B3GALNT2: variants seen among roughly 807,000 people sequenced by gnomAD.
The protein encoded by B3GALNT2 is beta-1,3-N-acetylgalactosaminyltransferase 2, also known as UDP-GalNAc:beta-1,3-N-acetylgalactosaminyltransferase 2.
B3GALNT2 carries 53 observed loss-of-function variants against 61.1 expected under a neutral mutation model. That is an observed-to-expected ratio of 0.87 (90% confidence interval 0.70 to 1.09). The LOEUF (loss-of-function observed/expected upper bound fraction) is 1.09. Ranked by LOEUF, B3GALNT2 falls within the 50% of genes least tolerant of loss-of-function variation. The pLI, the probability that B3GALNT2 is intolerant of heterozygous loss-of-function variation, is 0.00. For missense variants in B3GALNT2, 544 were observed against 623.0 expected, an observed-to-expected ratio of 0.87 and a Z score of 1.35; for synonymous variants, 223 against 237.4, an observed-to-expected ratio of 0.94 and a Z score of 0.56.
At chr1:235,497,073 G>A (rs985008409) in intron 1 of B3GALNT2, among the ~76,000 whole-genome samples, 7 of 152,088 alleles carry the variant, frequency 4.6e-5, no homozygotes, top group Non-Finnish European at 1.0e-4. Flanking sequence ...GAATACGCTG[G>A]GTAACACATC....
At chr1:235,486,979 G>A (rs1213369610) in intron 3 of B3GALNT2, among the ~76,000 whole-genome samples, 1 of 151,980 alleles carries the variant, frequency 6.6e-6, no homozygotes, top group Non-Finnish European at 1.5e-5. Context: ...GACTAGCCTG[G>A]CCAATGTGGT....
At chr1:235,463,413 G>A (rs1395160256) in intron 7 of B3GALNT2, 1 of 150,120 alleles carries the variant, frequency 6.7e-6, no homozygotes, top group African/African-American at 2.4e-5. Context: ...ATATATATAT[G>A]CAATCCCTTA....
chr1:235,479,764 C>T (rs79491446), intron 5 of B3GALNT2: 22 of 245,838 alleles, frequency 8.9e-5, no homozygotes, highest in Admixed American at 6.0e-4. Flanking sequence ...CACCCAACAT[C>T]ATCCTTTGTC....
At chr1:235,492,288 G>C (rs1030135322) in intron 2 of B3GALNT2, among the ~76,000 whole-genome samples, 1 of 152,166 alleles carries the variant, frequency 6.6e-6, no homozygotes, top group Non-Finnish European at 1.5e-5. Context: ...TTGCAAGTAT[G>C]TACCAAATTT....
intron 6 of B3GALNT2, among the ~76,000 whole-genome samples, chr1:235,470,189 G>A (rs909221098): frequency 4.6e-5 from 7 of 151,974 alleles, no homozygotes; most frequent in South Asian, 4.2e-4. Flanking sequence ...ATGAGCCACC[G>A]CACCTGGCTA....
downstream of B3GALNT2, chr1:235,443,001 C>T: frequency 7.8e-7 from 1 of 1,287,614 alleles, no homozygotes; most frequent in Non-Finnish European, 1.1e-6. Context: ...ACTCATGTCT[C>T]AAAGTGTGGA....
In B3GALNT2 at chr1:235,448,568, G is replaced by A; in HGVS notation, c.*1638C>T. ...ATGGGTCTGTTTGTTTGATTTTAAG[G>A]GTAAGCTACTGCCTGGGGACGGGGT... On this transcript the variant is annotated 3_prime_UTR_variant, in exon 12 of 12. Transcript: ENST00000366600. The A allele has an allele frequency of 7.3e-7, 1 of 1,375,464 alleles. No homozygotes were observed. Among genetic ancestry groups the A allele is most frequent in the Admixed American group, 1.7e-5 (1 of 59,566 alleles). The allele number at this position is 1,375,464 out of a possible 1,614,324, so 85.2% of individuals were successfully genotyped here.
chr1:235,442,409 A>G (rs968789917), downstream of B3GALNT2, among the ~76,000 whole-genome samples: 2 of 152,196 alleles, frequency 1.3e-5, no homozygotes, highest in Non-Finnish European at 2.9e-5. Flanking sequence ...ACCTCAGGAG[A>G]TCCACCCGCC....
chr1:235,496,372 T>G (rs1685323319), intron 1 of B3GALNT2: 1 of 952,290 alleles, frequency 1.1e-6, no homozygotes, highest in Non-Finnish European at 1.3e-6. Context: ...CACTCTACAA[T>G]GAGTCATGTA....
At chr1:235,473,359 T>TA (rs1458634371) in intron 5 of B3GALNT2, among the ~76,000 whole-genome samples, 1 of 152,196 alleles carries the variant, frequency 6.6e-6, no homozygotes, top group Admixed American at 6.5e-5. Flanking sequence ...TTAATAGTGA[T>TA]AGAGTTTGGA....
At position 235,470,905 on chromosome 1, in the gene B3GALNT2, C is replaced by A; in HGVS notation, c.707G>T (p.Arg236Ile). 2 of 1,614,048 alleles carry A rather than the reference C, an allele frequency of 1.2e-6. No individual in the cohort carries two copies. ...ATTCACTGTCACTTTGTGGAGATTT[C>A]TTGACACAAGGCCGTGGAGGTCTTG... Reference protein sequence around the residue: ...ESQDLHGLVSRNLHKVTVNDG... With the variant: ...ESQDLHGLVSINLHKVTVNDG... Residue 236 changes from arginine to isoleucine, a missense_variant, in exon 6 of 12, where the codon AGA (arginine) becomes ATA (isoleucine). Coordinates refer to ENST00000366600, the MANE Select transcript of B3GALNT2 (RefSeq NM_152490.5).
At chr1:235,481,455 C>A (rs1030357801) in intron 4 of B3GALNT2, among the ~76,000 whole-genome samples, 5 of 152,124 alleles carry the variant, frequency 3.3e-5, no homozygotes, top group Admixed American at 6.5e-5. Context: ...GTGATCCTCC[C>A]ACCTCAACCT....
chr1:235,476,942 T>C (rs1057418176), intron 5 of B3GALNT2, among the ~76,000 whole-genome samples: 1 of 151,800 alleles, frequency 6.6e-6, no homozygotes, highest in African/African-American at 2.4e-5. Context: ...GGAGAATCAT[T>C]TGAGCCCATA....
At chr1:235,442,817 A>C (rs374630204), downstream of B3GALNT2, 2 of 1,594,524 alleles carry the variant, frequency 1.3e-6, no homozygotes, top group Admixed American at 3.3e-5. Flanking sequence ...ATAATAGTAG[A>C]TATCAATTAG....
rs146523249 is a variant in B3GALNT2 at position 235,472,596 on chromosome 1, C to T, written c.652-1636G>A. ...CACCTTGAGAACAGGAAGGAGCTTG[C>T]CTGATCAACCACTGCATCCCCAGCA... On this transcript the variant is annotated intron_variant, in intron 5 of 11. Coordinates refer to ENST00000366600, the MANE Select transcript of B3GALNT2 (RefSeq NM_152490.5). Among the ~76,000 whole-genome samples the T allele has an allele frequency of 4.6e-3, 695 of 152,304 alleles. 5 individuals are homozygous for T. The highest frequency in any genetic ancestry group is 0.016 in the African/African-American group (669 of 41,562).
chr1:235,477,359 T>C (rs1026388864), intron 5 of B3GALNT2, among the ~76,000 whole-genome samples: 1 of 152,104 alleles, frequency 6.6e-6, no homozygotes, highest in Non-Finnish European at 1.5e-5. Context: ...ATTTTTAACT[T>C]TAAGTATTTC....
intron 1 of B3GALNT2, among the ~76,000 whole-genome samples, chr1:235,499,379 T>C (rs994034169): frequency 6.6e-6 from 1 of 152,184 alleles, no homozygotes; most frequent in Non-Finnish European, 1.5e-5. Context: ...ATTAGTTGGG[T>C]GTGTTCAATT....
Position 235,504,248 on chromosome 1 carries a change from C to T in B3GALNT2, c.5G>A (p.Arg2Gln). Residue 2 changes from arginine to glutamine, a missense_variant, in exon 1 of 12, where the codon CGA becomes CAA. Physicochemically the swap from Arg to Gln is conservative, Grantham distance 43. Coordinates refer to ENST00000366600, the MANE Select transcript of B3GALNT2 (RefSeq NM_152490.5). ...CGGGCACAGCAGCACCAGCCAGTTT[C>T]GCATTGGCCGCCCCCGCCGCGAGCC... MRNWLVLLCPCV... is the reference protein window; with the variant it reads MQNWLVLLCPCV... The T allele has an allele frequency of 2.7e-6, 4 of 1,486,562 alleles. No homozygotes were observed. The highest frequency in any genetic ancestry group is 2.7e-6 in the Non-Finnish European group (3 of 1,124,472). 92.1% of individuals were successfully genotyped at this position (1,486,562 alleles called of 1,614,324 possible).
At chr1:235,442,993 T>C (rs1056199629), downstream of B3GALNT2, 62 of 1,394,056 alleles carry the variant, frequency 4.4e-5, no homozygotes, top group Non-Finnish European at 6.0e-5. Context: ...AACCTTTAAC[T>C]CATGTCTCAA....
Sources: allele counts gnomAD v4.1 joint callset (sites outside exome capture counted in the v4.1 genomes callset), GRCh38; gene constraint gnomAD v4.1.1; transcripts MANE v1.5; gene names NCBI Gene and HGNC (gene_info 2026-07-23, HGNC 2026-07-21).